The following FSTL4 variants were observed in gnomAD, a reference collection of about 807,000 sequenced individuals.
FSTL4 encodes the protein follistatin like 4, also known as follistatin-related protein 4.
Under a neutral mutation model 78.2 loss-of-function variants are expected in FSTL4, and 28 were observed. The observed-to-expected ratio is 0.36, with a 90% CI of 0.27 to 0.49. The LOEUF (loss-of-function observed/expected upper bound fraction) is 0.49, where lower values mean the gene tolerates loss of function less well. FSTL4 is among the 20% of genes least tolerant of loss of function. FSTL4 has a pLI of 0.98. For synonymous variants in FSTL4, 422 were observed against 440.5 expected (o/e 0.96, Z 0.53); for missense variants, 922 against 1,084.9 (o/e 0.85, Z 2.11).
At chr5:133,414,889 A>G (rs1231398109) in intron 3 of FSTL4, among the ~76,000 whole-genome samples, 1 of 152,068 alleles carries the variant, frequency 6.6e-6, no homozygotes, top group Non-Finnish European at 1.5e-5. Context: ...GCAAGTTTAA[A>G]CTCTCCTGCC....
intron 4 of FSTL4, among the ~76,000 whole-genome samples, chr5:133,334,727 A>G (rs1031023119): frequency 6.6e-6 from 1 of 152,130 alleles, no homozygotes; most frequent in African/African-American, 2.4e-5. Flanking sequence ...GCCTAGGTAC[A>G]TGGGGGAGGG....
chr5:133,668,238 A>G, the FSTL4 span, among the ~76,000 whole-genome samples: 1 of 152,322 alleles, frequency 6.6e-6, no homozygotes, highest in Non-Finnish European at 1.5e-5. Context: ...TCAGGAACTA[A>G]GAAACCCTCA....
chr5:133,625,306 G>T, the FSTL4 span, among the ~76,000 whole-genome samples: 13 of 151,708 alleles, frequency 8.6e-5, no homozygotes, highest in Admixed American at 3.3e-4. Context: ...ATAGTTATAG[G>T]ACTATTTAAA....
At chr5:133,275,808 G>C (rs1409585521) in intron 6 of FSTL4, 3 of 152,244 alleles carry the variant, frequency 2.0e-5, no homozygotes, top group African/African-American at 4.8e-5. Context: ...GGTCTGAATG[G>C]AGAAAGAAGC....
intron 3 of FSTL4, among the ~76,000 whole-genome samples, chr5:133,468,540 C>G (rs1757757945): frequency 6.6e-6 from 1 of 152,122 alleles, no homozygotes; most frequent in African/African-American, 2.4e-5. Context: ...ACTAGACCTG[C>G]CCTCTAAGGC....
In FSTL4 at chr5:133,243,025, C is replaced by T. The variant is rs73275920; in HGVS notation, c.894+6385G>A. ...TTTCTTTTGGTCTTTTTAATAACTC[C>T]CTTCCAAAGAAGAGCTAGCTGAGAG... On this transcript the variant is annotated intron_variant, in intron 7 of 15. Transcript: ENST00000265342. Among the ~76,000 whole-genome samples the T allele has an allele frequency of 6.4e-3, 969 of 152,186 alleles. 14 individuals are homozygous for T. The highest frequency in any genetic ancestry group is 0.022 in the African/African-American group (931 of 41,528).
At chr5:133,311,038 C>T (rs1753767365) in intron 6 of FSTL4, among the ~76,000 whole-genome samples, 1 of 152,130 alleles carries the variant, frequency 6.6e-6, no homozygotes, top group African/African-American at 2.4e-5. Flanking sequence ...AAAATGTCCC[C>T]CCTTCCCCTT....
At chr5:133,567,562 A>G (rs1561471841) in intron 2 of FSTL4, among the ~76,000 whole-genome samples, 1 of 152,200 alleles carries the variant, frequency 6.6e-6, no homozygotes, top group Non-Finnish European at 1.5e-5. Context: ...CCTGAACTGT[A>G]GGTGCTTTTA....
the FSTL4 span, among the ~76,000 whole-genome samples, chr5:133,683,304 C>T: frequency 6.6e-6 from 1 of 152,154 alleles, no homozygotes; most frequent in Non-Finnish European, 1.5e-5. Flanking sequence ...GAATTAATTG[C>T]AGAAATAAAT....
intron 3 of FSTL4, among the ~76,000 whole-genome samples, chr5:133,527,532 G>A (rs1053588160): frequency 3.3e-5 from 5 of 152,008 alleles, no homozygotes; most frequent in Non-Finnish European, 7.4e-5. Context: ...ATAACTGACC[G>A]ATGTTATAAG....
At chr5:133,544,208 T>C (rs1759529072) in intron 3 of FSTL4, among the ~76,000 whole-genome samples, 1 of 152,198 alleles carries the variant, frequency 6.6e-6, no homozygotes. Context: ...TTAACCCAAA[T>C]ATTGCCACTT....
chr5:133,777,682 C>T, the FSTL4 span, among the ~76,000 whole-genome samples: 1 of 152,168 alleles, frequency 6.6e-6, no homozygotes, highest in Admixed American at 6.6e-5. Context: ...TGCAACCTCA[C>T]TTTTTTCACT....
intron 6 of FSTL4, among the ~76,000 whole-genome samples, chr5:133,286,169 T>C (rs1311834602): frequency 6.6e-6 from 1 of 152,234 alleles, no homozygotes; most frequent in Non-Finnish European, 1.5e-5. Context: ...AACTCCACCA[T>C]TTACTGACTA....
intron 3 of FSTL4, among the ~76,000 whole-genome samples, chr5:133,479,299 C>T (rs1287488287): frequency 2.0e-5 from 3 of 152,180 alleles, no homozygotes; most frequent in Admixed American, 1.3e-4. Flanking sequence ...GTGTCAGTTT[C>T]GACACCTATT....
the FSTL4 span, among the ~76,000 whole-genome samples, chr5:133,693,394 AT>A: frequency 2.0e-5 from 3 of 152,134 alleles, no homozygotes; most frequent in Non-Finnish European, 4.4e-5. Context: ...ATTATGAAAA[AT>A]TTTTTGCATC....
chr5:133,486,964 C>A (rs1264400311), intron 3 of FSTL4, among the ~76,000 whole-genome samples: 2 of 152,178 alleles, frequency 1.3e-5, no homozygotes, highest in African/African-American at 2.4e-5. Context: ...GTGACACTGG[C>A]AGGAGGCCCC....
rs1288323767 is a variant in FSTL4, at chr5:133,198,168, C to T, written c.*927G>A. On this transcript the variant is annotated 3_prime_UTR_variant, in exon 16 of 16. Coordinates refer to ENST00000265342, the MANE Select transcript of FSTL4 (RefSeq NM_015082.2). ...ACCTTGCCAGGCAAGCCCAGTCTGC[C>T]CTGAATCTGGGGTACCAGACCTGAC... The T allele has an allele frequency of 6.6e-6, 1 of 152,636 alleles. No individual in the cohort carries two copies. Among genetic ancestry groups the T allele is most frequent in the Non-Finnish European group, 1.5e-5 (1 of 68,078 alleles). 9.5% of individuals were successfully genotyped at this position (152,636 alleles called of 1,614,324 possible). A position where few individuals can be genotyped will look rare whatever the true frequency, so the allele number is the denominator to read the frequency against.
At chr5:133,774,746 A>G in the FSTL4 span, among the ~76,000 whole-genome samples, 25 of 152,300 alleles carry the variant, frequency 1.6e-4, no homozygotes, top group East Asian at 4.8e-3. Context: ...ATTCTCTGTC[A>G]TAGTATAGCC....
chr5:133,316,989 C>T (rs958482458), intron 4 of FSTL4, among the ~76,000 whole-genome samples: 1 of 152,102 alleles, frequency 6.6e-6, no homozygotes, highest in Non-Finnish European at 1.5e-5. Context: ...AGCGGCAGCC[C>T]CACAGAGGCT....
Sources: gnomAD v4.1 joint callset for allele counts (sites outside exome capture counted in the v4.1 genomes callset) on GRCh38, gnomAD v4.1.1 for gene constraint, MANE v1.5 for transcripts, NCBI Gene and HGNC (gene_info 2026-07-23, HGNC 2026-07-21) for gene names.